Variants in VAMP4 observed in about 807,000 individuals in gnomAD.
VAMP4 encodes vesicle associated membrane protein 4.
A neutral mutation model predicts 23.5 loss-of-function variants in VAMP4; 19 were observed. The ratio of observed to expected loss-of-function variants is 0.81; its 90% confidence interval spans 0.56 to 1.19. VAMP4 has a LOEUF of 1.19. VAMP4 is among the 50% of genes most tolerant of loss of function. The pLI is 0.00. For missense variants in VAMP4, 145 were observed against 168.6 expected (o/e 0.86, Z 0.78); for synonymous variants, 31 against 51.0 (o/e 0.61, Z 1.67).
At chr1:171,717,476 G>T (rs1397554871) in intron 4 of VAMP4, among the ~76,000 whole-genome samples, 1 of 152,080 alleles carries the variant, frequency 6.6e-6, no homozygotes, top group East Asian at 1.9e-4. Context: ...ACTATCATAA[G>T]GCAGTTTCTT....
rs1654655066 is a variant in VAMP4, at chr1:171,706,425, C to T, written c.346-7G>A. ...AAGCCATGATGGCTTTTATCTACAA[C>T]ACACAAAAGGGCATATATATTAATA... On this transcript the variant is annotated splice_region_variant and splice_polypyrimidine_tract_variant and intron_variant, in intron 6 of 7. Transcript: ENST00000236192. The T allele has an allele frequency of 1.2e-6, 2 of 1,605,816 alleles. No individual in the cohort carries two copies. Among genetic ancestry groups the T allele is most frequent in the Non-Finnish European group, 1.7e-6 (2 of 1,176,106 alleles).
intron 1 of VAMP4, 31 bp from the exon 2 acceptor site, chr1:171,738,494 G>A (rs1655815523): frequency 1.4e-6 from 2 of 1,408,908 alleles, no homozygotes; most frequent in East Asian, 4.6e-5. Flanking sequence ...CATCAGATTT[G>A]AGACTTTGGG....
chr1:171,717,945 G>A (rs763255600), intron 4 of VAMP4, among the ~76,000 whole-genome samples: 22 of 152,110 alleles, frequency 1.4e-4, no homozygotes, highest in Non-Finnish European at 2.4e-4. Context: ...ATAGCTGCAG[G>A]AAATAAATTC....
intron 2 of VAMP4, among the ~76,000 whole-genome samples, chr1:171,737,768 AAAGTTCTGAAT>A (rs1432658191): frequency 3.2e-4 from 48 of 152,214 alleles, no homozygotes; most frequent in African/African-American, 1.1e-3. Flanking sequence ...AAATACATTC[AAAGTTCTGAAT>A]AAGATATTGT....
At chr1:171,711,264 C>T (rs527532708) in intron 4 of VAMP4, among the ~76,000 whole-genome samples, 3 of 152,106 alleles carry the variant, frequency 2.0e-5, no homozygotes, top group East Asian at 3.9e-4. Context: ...TTTAACATAC[C>T]TTTTGCTCAG....
intron 6 of VAMP4, among the ~76,000 whole-genome samples, chr1:171,709,034 C>T (rs1183120952): frequency 2.7e-5 from 4 of 150,424 alleles, no homozygotes; most frequent in African/African-American, 9.8e-5. Flanking sequence ...ACGTGAAAAA[C>T]ATTTTCTGTT....
chr1:171,728,390 G>C (rs547369575), intron 3 of VAMP4, 134 bp downstream of exon 3: 1 of 638,496 alleles, frequency 1.6e-6, no homozygotes, highest in East Asian at 2.9e-5. Context: ...ATATCCACTG[G>C]GGGATCTTGG....
In VAMP4 at chr1:171,729,614, A is replaced by G. The variant is rs145696889; in HGVS notation, c.67-1044T>C. ...AACTGTACCACTTGCTATAGGCAGA[A>G]TAATAGCTCCCCAAAGATGTTCATT... On this transcript the variant is annotated intron_variant, in intron 2 of 7. Transcript: ENST00000236192. Among the ~76,000 whole-genome samples the G allele has an allele frequency of 4.7e-3, 711 of 152,322 alleles. 1 individual carries two copies. Among genetic ancestry groups the G allele is most frequent in the Non-Finnish European group, 7.0e-3 (476 of 68,024 alleles).
chr1:171,720,185 C>T (rs1406945946), intron 3 of VAMP4, among the ~76,000 whole-genome samples: 1 of 151,858 alleles, frequency 6.6e-6, no homozygotes, highest in African/African-American at 2.4e-5. Context: ...TGATGTTAAA[C>T]ATTGAATTTC....
rs1457021639 is a variant in VAMP4 at position 171,700,175 on chromosome 1, A to AAAT, written c.*4328_*4330dup. 2.0e-5 allele frequency: 3 copies of AAAT among 152,202 alleles called. No individual in the cohort carries two copies. The highest frequency in any genetic ancestry group is 4.4e-5 in the Non-Finnish European group (3 of 68,038). 9.4% of individuals were successfully genotyped at this position (152,202 alleles called of 1,614,324 possible). On this transcript the variant is annotated 3_prime_UTR_variant, in exon 8 of 8. Transcript: ENST00000236192. Reference sequence around the variant, plus strand: ...AAGTGCTTAATTTTTGTTTTCTATGAAATAGTTTATTTCATTGTTCACTAT... The same window carrying AAAT: ...AAGTGCTTAATTTTTGTTTTCTATGAAATAATAGTTTATTTCATTGTTCACTAT...
At chr1:171,712,951 G>C (rs1166716833) in intron 4 of VAMP4, among the ~76,000 whole-genome samples, 1 of 152,106 alleles carries the variant, frequency 6.6e-6, no homozygotes, top group Non-Finnish European at 1.5e-5. Flanking sequence ...TTTATTTATA[G>C]CATGTAAGCA....
At chr1:171,737,032 G>A (rs1415424857) in intron 2 of VAMP4, among the ~76,000 whole-genome samples, 1 of 152,048 alleles carries the variant, frequency 6.6e-6, no homozygotes, top group Non-Finnish European at 1.5e-5. Context: ...CTGTACAAAG[G>A]GTTAGAATAA....
intron 2 of VAMP4, among the ~76,000 whole-genome samples, chr1:171,729,129 T>G (rs1655477938): frequency 2.0e-5 from 3 of 152,184 alleles, no homozygotes; most frequent in Non-Finnish European, 1.5e-5. Flanking sequence ...TTCCTTAAAA[T>G]GAGGACAGTC....
At chr1:171,711,879 T>C (rs1428972138) in intron 4 of VAMP4, among the ~76,000 whole-genome samples, 1 of 152,170 alleles carries the variant, frequency 6.6e-6, no homozygotes, top group Non-Finnish European at 1.5e-5. Context: ...TAAGTTATAA[T>C]ACCATATTTT....
intron 3 of VAMP4, among the ~76,000 whole-genome samples, chr1:171,720,045 C>T (rs1655141233): frequency 6.6e-6 from 1 of 151,522 alleles, no homozygotes. Flanking sequence ...AAACTGTTTA[C>T]TGAAACTTAT....
At chr1:171,732,204 G>A (rs2124866386) in intron 2 of VAMP4, among the ~76,000 whole-genome samples, 1 of 152,050 alleles carries the variant, frequency 6.6e-6, no homozygotes, top group South Asian at 2.1e-4. Context: ...TGACCATAAT[G>A]CGATGGAAAA....
intron 3 of VAMP4, among the ~76,000 whole-genome samples, chr1:171,728,229 T>C (rs760353900): frequency 1.3e-5 from 2 of 152,164 alleles, no homozygotes; most frequent in African/African-American, 2.4e-5. Context: ...CATATCCACA[T>C]TGTATATACT....
chr1:171,714,917 A>T (rs1455028611), intron 4 of VAMP4, among the ~76,000 whole-genome samples: 2 of 152,236 alleles, frequency 1.3e-5, no homozygotes, highest in Non-Finnish European at 1.5e-5. Context: ...AAGGAAGCCC[A>T]TAGTATCAGT....
intron 3 of VAMP4, among the ~76,000 whole-genome samples, chr1:171,723,422 C>T (rs912254682): frequency 2.6e-5 from 4 of 152,174 alleles, no homozygotes; most frequent in African/African-American, 9.7e-5. Flanking sequence ...CACACATTCC[C>T]AGAGCAGCCA....
Sources: gnomAD v4.1 joint callset for allele counts (sites outside exome capture counted in the v4.1 genomes callset) on GRCh38, gnomAD v4.1.1 for gene constraint, MANE v1.5 for transcripts, NCBI Gene and HGNC (gene_info 2026-07-23, HGNC 2026-07-21) for gene names.